The following NELL1 variants were observed in gnomAD, a reference collection of about 807,000 sequenced individuals.
NELL1 encodes protein kinase C-binding protein NELL1.
Under a neutral mutation model 107.4 loss-of-function variants are expected in NELL1, and 76 were observed. That is an observed-to-expected ratio of 0.71 (90% CI 0.59 to 0.86). The LOEUF (loss-of-function observed/expected upper bound fraction) is 0.86. Among genes scored for constraint, NELL1 ranks in the 40% least tolerant of loss-of-function variants. The probability of loss-of-function intolerance (pLI) is 0.00; values close to 1 mark genes in which losing one functional copy is unlikely to be tolerated. For synonymous variants in NELL1, 353 were observed against 341.2 expected (o/e 1.03, Z -0.38); for missense variants, 1,024 against 1,005.5 (o/e 1.02, Z -0.25).
intron 14 of NELL1, among the ~76,000 whole-genome samples, chr11:21,335,461 C>T (rs973433965): frequency 6.6e-6 from 1 of 151,958 alleles, no homozygotes; most frequent in Non-Finnish European, 1.5e-5. Context: ...AAGGAATTGT[C>T]AATAATAATC....
At chr11:20,853,129 G>GT (rs370603958) in intron 4 of NELL1, among the ~76,000 whole-genome samples, 71 of 152,288 alleles carry the variant, frequency 4.7e-4, no homozygotes, top group African/African-American at 1.7e-3. Context: ...TTAGAACAAG[G>GT]TTTATCTCAC....
At chr11:21,132,063 G>A (rs1855630998) in intron 13 of NELL1, among the ~76,000 whole-genome samples, 1 of 152,064 alleles carries the variant, frequency 6.6e-6, no homozygotes, top group Admixed American at 6.5e-5. Context: ...TCACCCCTCT[G>A]GCATTGACTA....
At chr11:21,565,510 G>T (rs564982613) in intron 17 of NELL1, among the ~76,000 whole-genome samples, 1 of 152,002 alleles carries the variant, frequency 6.6e-6, no homozygotes, top group East Asian at 2.0e-4. Flanking sequence ...GATCTGGGGT[G>T]GGGTGCAAGA....
At chr11:21,033,320 A>G (rs1853007238) in intron 12 of NELL1, among the ~76,000 whole-genome samples, 1 of 152,144 alleles carries the variant, frequency 6.6e-6, no homozygotes, top group African/African-American at 2.4e-5. Context: ...TTTTAAGTTT[A>G]GGGGTAAATG....
At chr11:20,705,575 T>C (rs865972878) in intron 2 of NELL1, among the ~76,000 whole-genome samples, 2 of 140,902 alleles carry the variant, frequency 1.4e-5, no homozygotes, top group East Asian at 3.9e-4. Context: ...GAAGAAAACC[T>C]AGGCAATACC....
At position 21,262,680 on chromosome 11, in the gene NELL1, T is replaced by A. The variant is rs940268576; in HGVS notation, c.1549+33226T>A. 6 of 89,534 alleles carry A rather than the reference T, an allele frequency of 6.7e-5. No individual in the cohort carries two copies. The Admixed American group carries it at 8.1e-4, about 12-fold the overall frequency. 5.5% of individuals were successfully genotyped at this position (89,534 alleles called of 1,614,324 possible). A position where few individuals can be genotyped will look rare whatever the true frequency, so the allele number is the denominator to read the frequency against. ...GAGAAGCCCAATGCTATTCTGACTT[T>A]TTATCTTTGGTTTTGAAATCCATTG... On this transcript the variant is annotated intron_variant, in intron 14 of 19. Transcript: ENST00000357134.
chr11:20,930,745 A>G (rs1399441244), intron 9 of NELL1, among the ~76,000 whole-genome samples: 2 of 150,174 alleles, frequency 1.3e-5, no homozygotes, highest in African/African-American at 4.9e-5. Flanking sequence ...TTTTAAAATT[A>G]TTTCAGAAAA....
chr11:21,076,167 G>A (rs1299314552), intron 12 of NELL1, among the ~76,000 whole-genome samples: 2 of 152,220 alleles, frequency 1.3e-5, no homozygotes, highest in Non-Finnish European at 2.9e-5. Context: ...GAAAAGGATT[G>A]GAAGCAGGCT....
rs114002517 is a variant in NELL1, at chr11:21,083,071, A to G, written c.1301-30518A>G. ...ATAGAGGTCTCTGAATCTCCAGGCT[A>G]GTCAGCAAGAGTAGGCATGTGGCCA... On this transcript the variant is annotated intron_variant, in intron 12 of 19. Transcript: ENST00000357134. Among the ~76,000 whole-genome samples the G allele has an allele frequency of 3.3e-3, 499 of 152,352 alleles. 3 individuals carry two copies. Among genetic ancestry groups the G allele is most frequent in the African/African-American group, 0.012 (479 of 41,590 alleles).
intron 12 of NELL1, among the ~76,000 whole-genome samples, chr11:21,016,656 G>C (rs966049680): frequency 6.6e-6 from 1 of 152,060 alleles, no homozygotes; most frequent in Non-Finnish European, 1.5e-5. Context: ...GCTACATGCA[G>C]GTTACTGCCA....
At chr11:21,546,980 C>T (rs1221991980) in intron 16 of NELL1, among the ~76,000 whole-genome samples, 3 of 151,868 alleles carry the variant, frequency 2.0e-5, no homozygotes, top group African/African-American at 7.2e-5. Context: ...AGTGTTAGTT[C>T]CTGTACTAAG....
chr11:20,743,941 A>G (rs1855946931), intron 2 of NELL1, among the ~76,000 whole-genome samples: 1 of 152,168 alleles, frequency 6.6e-6, no homozygotes, highest in African/African-American at 2.4e-5. Context: ...CTATCTCACT[A>G]AACAGCTCCA....
At chr11:21,088,641 A>C (rs1854453769) in intron 12 of NELL1, among the ~76,000 whole-genome samples, 1 of 152,146 alleles carries the variant, frequency 6.6e-6, no homozygotes, top group African/African-American at 2.4e-5. Context: ...AGGTCAAGTG[A>C]CTTTTTTTTA....
chr11:20,868,771 G>T (rs1202017108), intron 4 of NELL1, among the ~76,000 whole-genome samples: 1 of 152,052 alleles, frequency 6.6e-6, no homozygotes, highest in Admixed American at 6.6e-5. Flanking sequence ...TAAACTCTGA[G>T]ATATATCCTC....
At chr11:21,389,417 A>G (rs1214214706) in intron 15 of NELL1, among the ~76,000 whole-genome samples, 3 of 151,854 alleles carry the variant, frequency 2.0e-5, no homozygotes, top group Non-Finnish European at 1.5e-5. Flanking sequence ...CTTTAGCAGA[A>G]TCATTATTCA....
intron 15 of NELL1, among the ~76,000 whole-genome samples, chr11:21,497,318 T>C (rs1476662441): frequency 6.6e-6 from 1 of 152,066 alleles, no homozygotes; most frequent in Non-Finnish European, 1.5e-5. Flanking sequence ...ACAAAAAATA[T>C]TTTTAAAAAA....
intron 12 of NELL1, among the ~76,000 whole-genome samples, chr11:21,035,396 C>T (rs1853063798): frequency 6.6e-6 from 1 of 151,258 alleles, no homozygotes; most frequent in Non-Finnish European, 1.5e-5. Flanking sequence ...ATCCTAATAC[C>T]AAAACCTGGT....
At chr11:20,843,711 G>T (rs189951854) in intron 3 of NELL1, among the ~76,000 whole-genome samples, 1 of 142,902 alleles carries the variant, frequency 7.0e-6, no homozygotes, top group Non-Finnish European at 1.6e-5. Context: ...GGATACTTTG[G>T]TATCAATTTT....
At chr11:20,787,018 A>AAAAAAAAAAAAAAG (rs1856980345) in intron 3 of NELL1, among the ~76,000 whole-genome samples, 1 of 150,030 alleles carries the variant, frequency 6.7e-6, no homozygotes, top group African/African-American at 2.5e-5. Context: ...AAAAAAAAAA[A>AAAAAAAAAAAAAAG]AAAAAAAAAA....
Sources: gnomAD v4.1 joint callset for allele counts (sites outside exome capture counted in the v4.1 genomes callset) on GRCh38, gnomAD v4.1.1 for gene constraint, MANE v1.5 for transcripts, NCBI Gene and HGNC (gene_info 2026-07-23, HGNC 2026-07-21) for gene names.